The following SEC13 variants were observed in gnomAD, a reference collection of about 807,000 sequenced individuals.
SEC13 encodes the protein protein SEC13 homolog.
A neutral mutation model predicts 49.2 loss-of-function variants in SEC13; 25 were observed. That is an observed-to-expected ratio of 0.51 (90% confidence interval 0.37 to 0.71). The LOEUF is 0.71. SEC13 is among the 30% of genes least tolerant of loss of function. The pLI, the probability that SEC13 is intolerant of heterozygous loss-of-function variation, is 0.00. For missense variants in SEC13, 383 were observed against 417.6 expected, an observed-to-expected ratio of 0.92 and a Z score of 0.72; for synonymous variants, 148 against 163.9, an observed-to-expected ratio of 0.90 and a Z score of 0.74.
intron 5 of SEC13, among the ~76,000 whole-genome samples, chr3:10,306,107 T>TA (rs1225873751): frequency 2.0e-5 from 3 of 152,126 alleles, no homozygotes; most frequent in Non-Finnish European, 4.4e-5. Context: ...ACCACTGCCC[T>TA]AACTTCTAAC....
At chr3:10,309,920 C>T (rs1701144811) in intron 5 of SEC13, among the ~76,000 whole-genome samples, 2 of 152,200 alleles carry the variant, frequency 1.3e-5, no homozygotes, top group Admixed American at 1.3e-4. Context: ...TGTTCCTCTT[C>T]CCCACATTGG....
rs761763775 is a variant in SEC13, at chr3:10,301,082, G to T, written c.*179C>A. ...CATGAGTGCTTTCAGCTGGACAGTA[G>T]ATTACAAAGCATCTCCGATCACGTT... On this transcript the variant is annotated 3_prime_UTR_variant, in exon 9 of 9. Transcript: ENST00000350697. The T allele has an allele frequency of 1.9e-6, 3 of 1,611,760 alleles. No homozygotes were observed. Among genetic ancestry groups the T allele is most frequent in the Non-Finnish European group, 2.5e-6 (3 of 1,179,612 alleles).
Position 10,300,997 on chromosome 3 carries a change from A to T in SEC13, c.*264T>A. On this transcript the variant is annotated 3_prime_UTR_variant, in exon 9 of 9. Transcript: ENST00000350697. Reference sequence around the variant, plus strand: ...ACCCCCCAAATAATGCCTGAACCCAAAGGTACATAAAAATGACCCAAAATA... The same window carrying T: ...ACCCCCCAAATAATGCCTGAACCCATAGGTACATAAAAATGACCCAAAATA... 7.6e-7 allele frequency: 1 copy of T among 1,321,620 alleles called. No individual in the cohort carries two copies. 81.9% of individuals were successfully genotyped at this position (1,321,620 alleles called of 1,614,324 possible). A position where few individuals can be genotyped will look rare whatever the true frequency, so the allele number is the denominator to read the frequency against.
At chr3:10,307,194 A>G (rs1700931254) in intron 5 of SEC13, among the ~76,000 whole-genome samples, 1 of 145,602 alleles carries the variant, frequency 6.9e-6, no homozygotes. Flanking sequence ...TACTGGGATT[A>G]TAGGTGTGAG....
intron 7 of SEC13, 96 bp from the exon 8 acceptor site, chr3:10,304,268 G>A: frequency 7.8e-7 from 1 of 1,289,104 alleles, no homozygotes; most frequent in Non-Finnish European, 1.1e-6. Context: ...GCACCTCTCT[G>A]CAGGAACAGG....
intron 5 of SEC13, among the ~76,000 whole-genome samples, chr3:10,309,703 T>G (rs1701130572): frequency 6.6e-6 from 1 of 152,266 alleles, no homozygotes; most frequent in Non-Finnish European, 1.5e-5. Context: ...TAATGTGCTC[T>G]CATTGTCCGC....
chr3:10,301,612 T>C (rs1355635024), intron 8 of SEC13, among the ~76,000 whole-genome samples: 3 of 152,174 alleles, frequency 2.0e-5, no homozygotes, highest in African/African-American at 7.2e-5. Flanking sequence ...GATACTGTTT[T>C]CAGCAAACTG....
intron 3 of SEC13, chr3:10,313,630 A>G: frequency 9.2e-6 from 2 of 216,414 alleles, no homozygotes; most frequent in South Asian, 1.3e-4. Context: ...AGTCCCTACA[A>G]AGCTGCTGCT....
intron 1 of SEC13, chr3:10,320,742 C>A: frequency 8.1e-7 from 1 of 1,239,192 alleles, no homozygotes; most frequent in Non-Finnish European, 1.0e-6. Flanking sequence ...GCTGAGGGCT[C>A]GGTATACAGT....
chr3:10,319,161 C>T (rs1214874380), intron 1 of SEC13: 1 of 1,611,540 alleles, frequency 6.2e-7, no homozygotes, highest in East Asian at 2.2e-5. Context: ...TTCATCTTTT[C>T]CAGCACAAGC....
In SEC13 at chr3:10,305,617, G is replaced by C; in HGVS notation, c.526C>G (p.Pro176Ala). 3 of 1,614,200 alleles carry C rather than the reference G, an allele frequency of 1.9e-6. No homozygotes were observed. The highest frequency in any genetic ancestry group is 2.5e-6 in the Non-Finnish European group (3 of 1,180,038). Residue 176 changes from proline to alanine, a missense_variant, in exon 6 of 9, where the codon CCC becomes GCC. Coordinates refer to ENST00000350697, the MANE Select transcript of SEC13 (RefSeq NM_183352.3). ...GATGCAAACCTCTTGATGTAATTGG[G>C]TTTCTGCCCCGATGGGTGGTCTATG... ...SLIDHPSGQK[P>A]NYIKRFASGG... is the part of the protein sequence containing the mutation.
rs548103395 is a variant in SEC13 at position 10,302,642 on chromosome 3, G to A, written c.856-1268C>T. Among the ~76,000 whole-genome samples the A allele has an allele frequency of 5.3e-5, 8 of 152,324 alleles. No homozygotes were observed. The South Asian group carries it at 1.7e-3, about 32-fold the overall frequency. On this transcript the variant is annotated intron_variant, in intron 8 of 8. Coordinates refer to ENST00000350697, the MANE Select transcript of SEC13 (RefSeq NM_183352.3). ...ACTCACTAGAAATATGGCTTTGAGA[G>A]GGGGCCTGCTAGATCTTTCTGGGAC...
At chr3:10,305,374 G>GAATT in intron 6 of SEC13, 185 bp downstream of exon 6, 1 of 1,028,210 alleles carries the variant, frequency 9.7e-7, no homozygotes, top group East Asian at 2.5e-5. Flanking sequence ...CAACAGTTGG[G>GAATT]AATTAGGTGA....
chr3:10,311,884 G>A (rs777166011), intron 5 of SEC13, 81 bp downstream of exon 5: 14 of 1,612,702 alleles, frequency 8.7e-6, no homozygotes, highest in South Asian at 2.2e-5. Flanking sequence ...GGACCCTCCC[G>A]TGCCACCCTC....
In SEC13 at chr3:10,300,993, C is replaced by T; in HGVS notation, c.*268G>A. 1.5e-6 allele frequency: 2 copies of T among 1,292,188 alleles called. No homozygotes were observed. Among genetic ancestry groups the T allele is most frequent in the Non-Finnish European group, 1.1e-6 (1 of 915,286 alleles). 80.0% of individuals were successfully genotyped at this position (1,292,188 alleles called of 1,614,324 possible). On this transcript the variant is annotated 3_prime_UTR_variant, in exon 9 of 9. Coordinates refer to ENST00000350697, the MANE Select transcript of SEC13 (RefSeq NM_183352.3). Reference sequence around the variant, plus strand: ...CAAAACCCCCCAAATAATGCCTGAACCCAAAGGTACATAAAAATGACCCAA... The same window carrying T: ...CAAAACCCCCCAAATAATGCCTGAATCCAAAGGTACATAAAAATGACCCAA...
In SEC13 at chr3:10,321,028, C is replaced by T; in HGVS notation, c.3+22G>A. 1.2e-6 allele frequency: 2 copies of T among 1,611,712 alleles called. No individual in the cohort carries two copies. The highest frequency in any genetic ancestry group is 1.3e-5 in the African/African-American group (1 of 74,646). On this transcript the variant is annotated intron_variant, in intron 1 of 8. Transcript: ENST00000350697. This position sits in a 1 kb window ranked among gnomAD's most constrained non-coding sequence, Gnocchi z 4.1. ...CGACCGTGGCCTTCACCCTGCTAGG[C>T]CTCCTCAGTACCAACACTCACCATG...
Position 10,307,990 on chromosome 3 carries a change from A to C in SEC13, c.451-2298T>G, listed in dbSNP as rs917974076. 5.9e-5 allele frequency among the ~76,000 whole-genome samples: 9 copies of C among 152,346 alleles called. No individual in the cohort carries two copies. In the East Asian group the frequency reaches 1.7e-3, roughly 29 times the overall value. ...GTATCCTCTAGTAGATTTCTCAGGA[A>C]GGGCTCCTAGAAACAATAGTCCCTG... is the stretch of plus-strand genomic sequence containing the variant. On this transcript the variant is annotated intron_variant, in intron 5 of 8. Coordinates refer to ENST00000350697, the MANE Select transcript of SEC13 (RefSeq NM_183352.3).
At chr3:10,320,719 GATTACGAACA>G in intron 1 of SEC13, 1 of 1,194,910 alleles carries the variant, frequency 8.4e-7, no homozygotes, top group Non-Finnish European at 1.0e-6. Flanking sequence ...AGCAGGCGGA[GATTACGAACA>G]ATGCTGAGGG....
intron 5 of SEC13, among the ~76,000 whole-genome samples, chr3:10,310,418 G>A (rs1203021742): frequency 6.6e-6 from 1 of 152,110 alleles, no homozygotes; most frequent in Non-Finnish European, 1.5e-5. Flanking sequence ...TTGAACCTGG[G>A]AGGCGGGGGT....
Sources: gnomAD v4.1 joint callset for allele counts (sites outside exome capture counted in the v4.1 genomes callset) on GRCh38, gnomAD v4.1.1 for gene constraint, Gnocchi (gnomAD v3.1) non-coding constraint, MANE v1.5 for transcripts, NCBI Gene and HGNC (gene_info 2026-07-23, HGNC 2026-07-21) for gene names.